The following VCL variants were observed in gnomAD, a reference collection of about 807,000 sequenced individuals.
VCL encodes the protein vinculin.
VCL carries 47 observed loss-of-function variants against 125.7 expected under a neutral mutation model. The ratio of observed to expected loss-of-function variants is 0.37; its 90% CI spans 0.30 to 0.48. VCL has a LOEUF of 0.48. VCL is among the 20% of genes least tolerant of loss of function. The pLI, the probability that VCL is intolerant of heterozygous loss-of-function variation, is 0.99. For missense variants in VCL, 1,069 were observed against 1,455.5 expected (o/e 0.73, Z 4.32); for synonymous variants, 458 against 514.6 (o/e 0.89, Z 1.49).
intron 2 of VCL, among the ~76,000 whole-genome samples, chr10:74,050,295 A>T (rs553503270): frequency 6.6e-6 from 1 of 152,384 alleles, no homozygotes; most frequent in East Asian, 1.9e-4. Flanking sequence ...ATTGAATAAA[A>T]GAATGTTCCC....
chr10:74,108,828 G>C, intron 17 of VCL, 143 bp from the exon 18 acceptor site: 1 of 861,480 alleles, frequency 1.2e-6, no homozygotes, highest in Non-Finnish European at 1.9e-6. Context: ...ATTGAAGCAG[G>C]TGGTCCTTGT....
At chr10:74,047,725 T>C (rs114995625) in intron 2 of VCL, among the ~76,000 whole-genome samples, 134 of 152,284 alleles carry the variant, frequency 8.8e-4, no homozygotes, top group African/African-American at 2.6e-3. Flanking sequence ...TATTTAAAGA[T>C]TTTTCAGGGA....
intron 1 of VCL, among the ~76,000 whole-genome samples, chr10:74,036,450 G>A (rs1427485130): frequency 1.3e-5 from 2 of 152,032 alleles, no homozygotes; most frequent in African/African-American, 2.4e-5. Flanking sequence ...TGATCCACCC[G>A]CCTTGGCCTC....
intron 1 of VCL, among the ~76,000 whole-genome samples, chr10:74,009,398 A>G (rs968179581): frequency 6.6e-5 from 10 of 151,786 alleles, no homozygotes; most frequent in Middle Eastern, 3.4e-3. Flanking sequence ...AGCTGGGACT[A>G]CAGGCGCCTG....
chr10:73,998,125 A>G lies in VCL; in HGVS notation c.-83A>G, dbSNP rs1840149116. ...GAAGCCCCGACTCCGTAGTCGCTGC[A>G]CAGTCTGTCTCTTCGCCGGTTCCCG... On this transcript the variant is annotated 5_prime_UTR_variant, in exon 1 of 22. Coordinates refer to ENST00000211998, the MANE Select transcript of VCL (RefSeq NM_014000.3). The G allele has an allele frequency of 6.4e-7, 1 of 1,559,824 alleles. No homozygotes were observed. Among genetic ancestry groups the G allele is most frequent in the Non-Finnish European group, 8.7e-7 (1 of 1,153,460 alleles).
chr10:74,028,160 C>T (rs1312311429), intron 1 of VCL, among the ~76,000 whole-genome samples: 2 of 152,140 alleles, frequency 1.3e-5, no homozygotes, highest in East Asian at 1.9e-4. Flanking sequence ...ACTACAGCCT[C>T]GATCTTCTCA....
At chr10:74,060,909 T>C (rs559603092) in intron 2 of VCL, among the ~76,000 whole-genome samples, 1 of 152,214 alleles carries the variant, frequency 6.6e-6, no homozygotes, top group East Asian at 1.9e-4. Context: ...TAGAGGGTCA[T>C]GAGTGAGCAT....
chr10:74,012,229 T>C (rs1840449222), intron 1 of VCL, among the ~76,000 whole-genome samples: 1 of 152,194 alleles, frequency 6.6e-6, no homozygotes, highest in Admixed American at 6.5e-5. Context: ...ATAACATGTT[T>C]TTATTCTTGC....
intron 2 of VCL, among the ~76,000 whole-genome samples, chr10:74,069,112 C>T (rs1402570637): frequency 6.6e-6 from 1 of 151,714 alleles, no homozygotes; most frequent in African/African-American, 2.4e-5. Flanking sequence ...GGCTGGAGTG[C>T]AGTGGCATGA....
At chr10:74,107,861 C>T (rs1840162221) in intron 17 of VCL, among the ~76,000 whole-genome samples, 1 of 152,078 alleles carries the variant, frequency 6.6e-6, no homozygotes, top group South Asian at 2.1e-4. Flanking sequence ...TTCCCCACTA[C>T]CCCCCGCAAG....
Position 74,103,827 on chromosome 10 carries a change from C to T in VCL, c.2030C>T (p.Ser677Leu), listed in dbSNP as rs770869561. 1.7e-5 allele frequency: 27 copies of T among 1,613,966 alleles called. No individual in the cohort carries two copies. The South Asian group carries it at 2.1e-4, about 12-fold the overall frequency. ...TARELTPQVV[S>L]AARILLRNPG... ...GTGTTTTGTCATTGTCAGGTGGTCT[C>T]GGCTGCTCGTATCTTACTTAGGAAC... is the stretch of plus-strand genomic sequence containing the variant. The change falls in exon 15 of 22, where the codon TCG becomes TTG. Residue 677 changes from serine (S) to leucine (L), a missense_variant. Ser to Leu is a moderately radical substitution (Grantham distance 145, BLOSUM62 -2). This residue lies in a region of VCL where 760 missense variants were observed against 928.9 expected (regional missense o/e 0.82). Transcript: ENST00000211998.
Position 74,111,924 on chromosome 10 carries a change from G to A in VCL, c.2761G>A (p.Ala921Thr), listed in dbSNP as rs764278411. The change falls in exon 19 of 22, where the codon GCT becomes ACT. Residue 921 changes from alanine (A) to threonine (T), a missense_variant. This residue lies in a region of VCL where 86 missense variants were observed against 91.0 expected (regional missense o/e 0.95). Coordinates refer to ENST00000211998, the MANE Select transcript of VCL (RefSeq NM_014000.3). ...ATCGACAAAGCCGGGCATCCCAGCCGCTGAGGTGGGTATAGGTGTTGTAGC... is the reference window on the plus strand; with the variant it reads ...ATCGACAAAGCCGGGCATCCCAGCCACTGAGGTGGGTATAGGTGTTGTAGC... The part of the protein sequence containing the change: ...KWSSKPGIPA[A>T]EVGIGVVAEA... The A allele has an allele frequency of 2.7e-5, 43 of 1,614,074 alleles. 1 individual carries two copies. The highest frequency in any genetic ancestry group is 9.9e-5 in the South Asian group (9 of 91,088).
intron 8 of VCL, among the ~76,000 whole-genome samples, chr10:74,088,820 A>G (rs565425225): frequency 1.1e-4 from 16 of 152,304 alleles, no homozygotes; most frequent in East Asian, 3.9e-4. Context: ...TTAATGGACT[A>G]TTTATTTCAG....
chr10:74,025,012 CATTTTATTTT>C (rs531005866), intron 1 of VCL, among the ~76,000 whole-genome samples: 4 of 152,108 alleles, frequency 2.6e-5, no homozygotes, highest in East Asian at 1.9e-4. Context: ...ATCCCACTCT[CATTTTATTTT>C]ATTTTATTTT....
intron 6 of VCL, 188 bp downstream of exon 6, chr10:74,075,091 C>G: frequency 1.3e-6 from 1 of 748,522 alleles, no homozygotes; most frequent in South Asian, 1.9e-5. Context: ...TTCCTTTGTT[C>G]TAAGGTAGAA....
intron 1 of VCL, among the ~76,000 whole-genome samples, chr10:74,030,658 G>A (rs1320407339): frequency 6.6e-6 from 1 of 152,190 alleles, no homozygotes; most frequent in Non-Finnish European, 1.5e-5. Context: ...GTACAAATGC[G>A]CTGTTTGGGA....
At chr10:74,022,489 T>C (rs1022370915) in intron 1 of VCL, among the ~76,000 whole-genome samples, 2 of 151,556 alleles carry the variant, frequency 1.3e-5, no homozygotes, top group African/African-American at 4.8e-5. Context: ...GCAGTTGCAG[T>C]GAGCCAAGAT....
At chr10:74,019,801 G>T (rs1416922041) in intron 1 of VCL, among the ~76,000 whole-genome samples, 2 of 152,192 alleles carry the variant, frequency 1.3e-5, no homozygotes, top group East Asian at 1.9e-4. Context: ...GATGGCTCAC[G>T]CCTCTAATCC....
At chr10:74,050,662 CAATT>C (rs1311020282) in intron 2 of VCL, among the ~76,000 whole-genome samples, 1 of 152,016 alleles carries the variant, frequency 6.6e-6, no homozygotes, top group Non-Finnish European at 1.5e-5. Context: ...CTTTTTTTAA[CAATT>C]AATTACTTAA....
Sources: gnomAD v4.1 joint callset for allele counts (sites outside exome capture counted in the v4.1 genomes callset) on GRCh38, gnomAD v4.1.1 for gene constraint, gnomAD v4.1.1 regional missense constraint, MANE v1.5 for transcripts, NCBI Gene and HGNC (gene_info 2026-07-23, HGNC 2026-07-21) for gene names.